SYT1: variants seen among roughly 807,000 people sequenced by gnomAD.
SYT1 encodes the protein synaptotagmin-1.
In SYT1, 8 loss-of-function variants were observed where a neutral mutation model predicts 44.8. That is an observed-to-expected ratio of 0.18 (90% CI 0.10 to 0.32). The LOEUF (loss-of-function observed/expected upper bound fraction) is 0.32, where lower values mean the gene tolerates loss of function less well. SYT1 is among the 10% of genes least tolerant of loss of function. The probability of loss-of-function intolerance (pLI) is 1.00; values close to 1 mark genes in which losing one functional copy is unlikely to be tolerated. For missense variants in SYT1, 286 were observed against 509.3 expected (o/e 0.56, Z 4.22); for synonymous variants, 154 against 188.8 (o/e 0.82, Z 1.51).
chr12:78,900,179 G>GA (rs1333089023), intron 1 of SYT1, among the ~76,000 whole-genome samples: 1 of 151,982 alleles, frequency 6.6e-6, no homozygotes, highest in Non-Finnish European at 1.5e-5. Flanking sequence ...GTTTTGGATG[G>GA]AAAAAATACT....
intron 9 of SYT1, among the ~76,000 whole-genome samples, chr12:79,367,092 C>A (rs1169227837): frequency 2.6e-5 from 4 of 152,056 alleles, no homozygotes; most frequent in Admixed American, 2.6e-4. Flanking sequence ...GAAATCAGAC[C>A]AGTAGTATAT....
At chr12:79,271,133 GTA>G (rs1878399181) in intron 4 of SYT1, among the ~76,000 whole-genome samples, 1 of 152,076 alleles carries the variant, frequency 6.6e-6, no homozygotes, top group Non-Finnish European at 1.5e-5. Context: ...TTTTTAAAAT[GTA>G]TACTCTGCAA....
At chr12:79,144,164 A>G (rs1347240330) in intron 3 of SYT1, among the ~76,000 whole-genome samples, 2 of 152,200 alleles carry the variant, frequency 1.3e-5, no homozygotes, top group African/African-American at 4.8e-5. Flanking sequence ...GTCTCTATCA[A>G]TAAAGTGTGC....
chr12:79,043,580 A>G (rs1048726445), intron 2 of SYT1, among the ~76,000 whole-genome samples: 2 of 151,406 alleles, frequency 1.3e-5, no homozygotes, highest in Non-Finnish European at 2.9e-5. Context: ...CTCTTTATCC[A>G]ATATGCCAGT....
intron 8 of SYT1, among the ~76,000 whole-genome samples, chr12:79,349,031 G>A (rs867269078): frequency 4.9e-4 from 41 of 83,620 alleles, no homozygotes; most frequent in Middle Eastern, 0.016. Context: ...AAGAAAGAAA[G>A]AAAAAGAAAG....
intron 1 of SYT1, among the ~76,000 whole-genome samples, chr12:78,906,356 T>G (rs1875980028): frequency 6.6e-6 from 1 of 152,126 alleles, no homozygotes; most frequent in Non-Finnish European, 1.5e-5. Context: ...TAACAAATAC[T>G]GGTGAGTACC....
At chr12:78,999,373 G>A (rs1870580886) in intron 2 of SYT1, among the ~76,000 whole-genome samples, 1 of 152,112 alleles carries the variant, frequency 6.6e-6, no homozygotes, top group African/African-American at 2.4e-5. Flanking sequence ...TAAAGAGTCT[G>A]GATCTTTGAC....
At chr12:79,281,955 C>A (rs1407412393) in intron 4 of SYT1, among the ~76,000 whole-genome samples, 1 of 152,138 alleles carries the variant, frequency 6.6e-6, no homozygotes, top group African/African-American at 2.4e-5. Context: ...GGGGAGAATC[C>A]ATTTCCCTGC....
At chr12:78,947,789 G>C (rs1377782561) in intron 1 of SYT1, among the ~76,000 whole-genome samples, 1 of 150,434 alleles carries the variant, frequency 6.6e-6, no homozygotes, top group Non-Finnish European at 1.5e-5. Flanking sequence ...ATTCCAGGAG[G>C]GATTGTTTAA....
chr12:78,972,494 G>A (rs1868446594), intron 1 of SYT1, among the ~76,000 whole-genome samples: 1 of 150,538 alleles, frequency 6.6e-6, no homozygotes, highest in Admixed American at 6.6e-5. Flanking sequence ...AAAATTAAGG[G>A]TGCCATAAGC....
At chr12:79,381,982 T>G (rs1884242155) in intron 9 of SYT1, among the ~76,000 whole-genome samples, 1 of 152,184 alleles carries the variant, frequency 6.6e-6, no homozygotes, top group East Asian at 1.9e-4. Context: ...TACGTGAGAA[T>G]GGAGCATGAT....
At chr12:79,054,169 C>T (rs747549196) in intron 3 of SYT1, among the ~76,000 whole-genome samples, 4 of 151,998 alleles carry the variant, frequency 2.6e-5, no homozygotes, top group Non-Finnish European at 5.9e-5. Context: ...CATTTAAACT[C>T]AGGTCTGTCT....
At chr12:79,222,751 T>C (rs988636695) in intron 4 of SYT1, among the ~76,000 whole-genome samples, 7 of 152,174 alleles carry the variant, frequency 4.6e-5, no homozygotes, top group African/African-American at 1.4e-4. Context: ...GATTGTTTGC[T>C]CTGTTGATGC....
chr12:79,132,499 C>T (rs569428698), intron 3 of SYT1, among the ~76,000 whole-genome samples: 1 of 150,994 alleles, frequency 6.6e-6, no homozygotes, highest in East Asian at 1.9e-4. Flanking sequence ...TGCTAACCGT[C>T]ACTAATCATC....
intron 4 of SYT1, among the ~76,000 whole-genome samples, chr12:79,284,113 A>G (rs1401763413): frequency 6.6e-6 from 1 of 151,722 alleles, no homozygotes; most frequent in Non-Finnish European, 1.5e-5. Flanking sequence ...TTTTTATTAC[A>G]ACAGACAAAT....
chr12:78,874,982 C>T (rs1332304877), intron 1 of SYT1, among the ~76,000 whole-genome samples: 1 of 151,518 alleles, frequency 6.6e-6, no homozygotes, highest in Non-Finnish European at 1.5e-5. Flanking sequence ...AAGTCCTTTA[C>T]AAGACTTGAA....
intron 3 of SYT1, among the ~76,000 whole-genome samples, chr12:79,206,280 C>A (rs7299403): frequency 0.69 from 104,890 of 152,022 alleles, 36,564 homozygotes; most frequent in Admixed American, 0.73. Context: ...CCTCCAAAAT[C>A]TTCCAAATTG....
chr12:79,085,373 C>T (rs1877311876), intron 3 of SYT1, among the ~76,000 whole-genome samples: 1 of 152,112 alleles, frequency 6.6e-6, no homozygotes, highest in South Asian at 2.1e-4. Flanking sequence ...GTTAGTGATG[C>T]TCAGCCTATA....
At chr12:79,195,213 C>T (rs963842574) in intron 3 of SYT1, among the ~76,000 whole-genome samples, 3 of 152,076 alleles carry the variant, frequency 2.0e-5, no homozygotes, top group Admixed American at 6.5e-5. Context: ...AGCAGCTTAC[C>T]TACATTTGGA....
Sources: gnomAD v4.1 joint callset for allele counts (sites outside exome capture counted in the v4.1 genomes callset) on GRCh38, gnomAD v4.1.1 for gene constraint, MANE v1.5 for transcripts, NCBI Gene and HGNC (gene_info 2026-07-23, HGNC 2026-07-21) for gene names.